The following C1GALT1 variants were observed in gnomAD, a reference collection of about 807,000 sequenced individuals.
C1GALT1 encodes core 1 synthase, glycoprotein-N-acetylgalactosamine 3-beta-galactosyltransferase 1.
C1GALT1 carries 11 observed loss-of-function variants against 31.0 expected under a neutral mutation model. The observed-to-expected ratio is 0.36, with a 90% confidence interval of 0.22 to 0.59. C1GALT1 has a LOEUF of 0.59. Among genes scored for constraint, C1GALT1 ranks in the 20% least tolerant of loss-of-function variants. The pLI is 0.79. For missense variants in C1GALT1, 424 were observed against 425.2 expected (o/e 1.00, Z 0.03); for synonymous variants, 175 against 143.6 (o/e 1.22, Z -1.56).
intron 2 of C1GALT1, among the ~76,000 whole-genome samples, chr7:7,159,425 C>A (rs532300769): frequency 6.6e-6 from 1 of 151,542 alleles, no homozygotes; most frequent in Non-Finnish European, 1.5e-5. Context: ...AGAAAGAAAA[C>A]AGGAAGAGGA....
At chr7:7,164,162 G>T (rs925013927) in intron 2 of C1GALT1, among the ~76,000 whole-genome samples, 3 of 152,030 alleles carry the variant, frequency 2.0e-5, no homozygotes, top group African/African-American at 7.2e-5. Context: ...AAATAACACC[G>T]TATATCTACA....
At chr7:7,196,136 C>T (rs1340882764) in intron 1 of C1GALT1, among the ~76,000 whole-genome samples, 1 of 152,108 alleles carries the variant, frequency 6.6e-6, no homozygotes, top group Non-Finnish European at 1.5e-5. Context: ...CATATGTATA[C>T]ATGTGTCATG....
chr7:7,161,027 T>C (rs191056042), intron 2 of C1GALT1, among the ~76,000 whole-genome samples: 4 of 152,276 alleles, frequency 2.6e-5, no homozygotes, highest in African/African-American at 7.2e-5. Flanking sequence ...ACTTCCAGTT[T>C]ATAATAATGA....
At chr7:7,206,187 T>C (rs940160732) in intron 1 of C1GALT1, among the ~76,000 whole-genome samples, 33 of 148,532 alleles carry the variant, frequency 2.2e-4, no homozygotes, top group African/African-American at 8.3e-4. Context: ...AAATATAAAC[T>C]AATTTTTTAA....
chr7:7,220,429 A>G (rs1348016551), intron 1 of C1GALT1, among the ~76,000 whole-genome samples: 2 of 152,236 alleles, frequency 1.3e-5, no homozygotes, highest in Non-Finnish European at 2.9e-5. Context: ...AGCTTGCTCA[A>G]CATTTCTACA....
At chr7:7,185,622 G>A (rs370496956) in intron 1 of C1GALT1, among the ~76,000 whole-genome samples, 31 of 152,274 alleles carry the variant, frequency 2.0e-4, no homozygotes, top group African/African-American at 7.5e-4. Context: ...TAATCCCTGT[G>A]TGGCTCTGTC....
intron 1 of C1GALT1, among the ~76,000 whole-genome samples, chr7:7,198,161 G>C (rs1176462660): frequency 6.6e-6 from 1 of 152,136 alleles, no homozygotes; most frequent in Admixed American, 6.5e-5. Flanking sequence ...GTATGATATT[G>C]GCTGTGGGTT....
chr7:7,167,013 G>A (rs1780405556), intron 2 of C1GALT1, among the ~76,000 whole-genome samples: 2 of 152,136 alleles, frequency 1.3e-5, no homozygotes, highest in Admixed American at 1.3e-4. Flanking sequence ...TTTATGATTT[G>A]AATTGAGGAG....
Position 7,243,680 on chromosome 7 carries a change from C to A in C1GALT1, c.1045C>A (p.Gln349Lys). ...LPERILKEIS[Q>K]ANKNEDTKVK... Reference sequence around the variant, plus strand: ...TGAACGTATACTAAAGGAAATTAGTCAAGCAAACAAAAATGAAGATACAAA... The same window carrying A: ...TGAACGTATACTAAAGGAAATTAGTAAAGCAAACAAAAATGAAGATACAAA... The change falls in exon 4 of 4, where the codon CAA becomes AAA. Residue 349 changes from glutamine to lysine, a missense_variant. Physicochemically the swap from Gln to Lys is moderately conservative, Grantham distance 53 (BLOSUM62 1). Around this residue, in one of 3 missense-constraint regions of C1GALT1, gnomAD observed 191 missense variants for 188.8 expected, o/e 1.01. Coordinates refer to ENST00000436587, the MANE Select transcript of C1GALT1 (RefSeq NM_020156.5). The A allele has an allele frequency of 6.2e-7, 1 of 1,602,556 alleles. No individual in the cohort carries two copies. The highest frequency in any genetic ancestry group is 1.1e-5 in the South Asian group (1 of 88,498).
intron 2 of C1GALT1, among the ~76,000 whole-genome samples, chr7:7,170,549 G>A (rs563515734): frequency 1.3e-5 from 2 of 152,292 alleles, no homozygotes; most frequent in East Asian, 3.9e-4. Context: ...TTGGGAGGCC[G>A]AGGCGGGCAG....
chr7:7,220,225 G>T (rs1782449394), intron 1 of C1GALT1, among the ~76,000 whole-genome samples: 1 of 152,146 alleles, frequency 6.6e-6, no homozygotes, highest in South Asian at 2.1e-4. Flanking sequence ...GCCAGCATAG[G>T]GTTGTGGAAA....
Position 7,198,062 on chromosome 7 carries a change from C to T in C1GALT1, c.-18+15242C>T, listed in dbSNP as rs534619246. Among the ~76,000 whole-genome samples, 7 of 152,292 alleles carry T rather than the reference C, an allele frequency of 4.6e-5. No homozygotes were observed. The South Asian group carries it at 1.5e-3, about 32-fold the overall frequency. On this transcript the variant is annotated intron_variant, in intron 1 of 3. Transcript: ENST00000436587. ...TGCCTGATTGCCCTGGCCAGAACTTCCAACACTATGTTGAATAGGAGGGTG... is the reference window on the plus strand; with the variant it reads ...TGCCTGATTGCCCTGGCCAGAACTTTCAACACTATGTTGAATAGGAGGGTG...
intron 1 of C1GALT1, among the ~76,000 whole-genome samples, chr7:7,197,855 A>G (rs1262350713): frequency 6.6e-6 from 1 of 152,214 alleles, no homozygotes; most frequent in Non-Finnish European, 1.5e-5. Context: ...TTATTGGTGT[A>G]TAGGAATGCT....
intron 1 of C1GALT1, among the ~76,000 whole-genome samples, chr7:7,191,997 C>T (rs2128232136): frequency 6.6e-6 from 1 of 152,144 alleles, no homozygotes; most frequent in South Asian, 2.1e-4. Context: ...CCAATATTTT[C>T]TTTCAGTGAC....
At chr7:7,189,093 T>C (rs1780944085) in intron 1 of C1GALT1, among the ~76,000 whole-genome samples, 1 of 152,218 alleles carries the variant, frequency 6.6e-6, no homozygotes, top group African/African-American at 2.4e-5. Flanking sequence ...CAATAAAAAG[T>C]AACCTTTGTC....
At chr7:7,202,317 A>T (rs1040241450) in intron 1 of C1GALT1, among the ~76,000 whole-genome samples, 1 of 152,128 alleles carries the variant, frequency 6.6e-6, no homozygotes, top group Non-Finnish European at 1.5e-5. Flanking sequence ...GTCTCCACAC[A>T]CTACTCGGTG....
At chr7:7,185,010 C>T (rs545514013) in intron 1 of C1GALT1, among the ~76,000 whole-genome samples, 2 of 152,192 alleles carry the variant, frequency 1.3e-5, no homozygotes, top group South Asian at 4.1e-4. Flanking sequence ...CCAATGTGTA[C>T]TTAAATTATT....
chr7:7,238,400 T>C lies in C1GALT1; in HGVS notation c.366T>C (p.Ser122=), dbSNP rs1380793227. The change falls in exon 3 of 4, where the codon AGT becomes AGC. Residue 122 remains serine (S), a synonymous_variant. Transcript: ENST00000436587. This position sits in a 1 kb window ranked among gnomAD's most constrained non-coding sequence, Gnocchi z 5.2. ...GTTGTAACAAAGTGTTGTTTATGAG[T>C]TCAGAAGAAAATAAAGACTTCCCTG... is the stretch of plus-strand genomic sequence containing the variant. ...AQRCNKVLFM[S]SEENKDFPAV... 1 of 1,614,026 alleles carries C rather than the reference T, an allele frequency of 6.2e-7. No homozygotes were observed. Among genetic ancestry groups the C allele is most frequent in the Non-Finnish European group, 8.5e-7 (1 of 1,179,974 alleles).
intron 1 of C1GALT1, among the ~76,000 whole-genome samples, chr7:7,219,826 G>T (rs1009415169): frequency 6.6e-6 from 1 of 151,960 alleles, no homozygotes; most frequent in Non-Finnish European, 1.5e-5. Flanking sequence ...AAAATTTTGT[G>T]TGGAATTGTA....
Sources: allele counts gnomAD v4.1 joint callset (sites outside exome capture counted in the v4.1 genomes callset), GRCh38; gene constraint gnomAD v4.1.1; regional missense constraint gnomAD v4.1.1; non-coding constraint Gnocchi (gnomAD v3.1); transcripts MANE v1.5; gene names NCBI Gene and HGNC (gene_info 2026-07-23, HGNC 2026-07-21).